The following KIFBP variants were observed in gnomAD, a reference collection of about 807,000 sequenced individuals.
KIFBP encodes the protein kinesin family binding protein, also known as KIF-binding protein.
In KIFBP, 46 loss-of-function variants were observed where a neutral mutation model predicts 58.9. The ratio of observed to expected loss-of-function variants is 0.78; its 90% CI spans 0.62 to 1.00. KIFBP has a LOEUF of 1.00. KIFBP is among the 50% of genes least tolerant of loss of function. The pLI is 0.00. For synonymous variants in KIFBP, 241 were observed against 283.4 expected (o/e 0.85, Z 1.50); for missense variants, 651 against 752.9 (o/e 0.86, Z 1.58).
intron 6 of KIFBP, chr10:69,011,388 T>G (rs1393218896): frequency 1.0e-5 from 1 of 98,366 alleles, no homozygotes; most frequent in Non-Finnish European, 2.0e-5. Context: ...GGGAACGATA[T>G]CATATTCTTT....
chr10:68,997,847 A>G (rs1243219287), intron 1 of KIFBP, among the ~76,000 whole-genome samples: 2 of 152,178 alleles, frequency 1.3e-5, no homozygotes, highest in Non-Finnish European at 2.9e-5. Context: ...ACCTAGTACC[A>G]GAAACTGGTT....
chr10:69,008,909 C>T lies in KIFBP; in HGVS notation c.858C>T (p.Ile286=), dbSNP rs757772205. The change falls in exon 5 of 7, where the codon ATC becomes ATT. Residue 286 remains isoleucine, a synonymous_variant. Coordinates refer to ENST00000361983, the MANE Select transcript of KIFBP (RefSeq NM_015634.4). ...ANVIFGQTGK[I]SATEDTPEAE... ...TCATTTTTGGTCAAACTGGAAAGATCTCAGCCACAGAAGACAGTAAGTTTA... is the reference window on the plus strand; with the variant it reads ...TCATTTTTGGTCAAACTGGAAAGATTTCAGCCACAGAAGACAGTAAGTTTA... 16 of 1,612,842 alleles carry T rather than the reference C, an allele frequency of 9.9e-6. No homozygotes were observed. The highest frequency in any genetic ancestry group is 1.3e-5 in the Non-Finnish European group (15 of 1,179,000).
intron 1 of KIFBP, among the ~76,000 whole-genome samples, chr10:68,994,615 T>G (rs1194588789): frequency 6.6e-6 from 1 of 152,134 alleles, no homozygotes; most frequent in African/African-American, 2.4e-5. Flanking sequence ...CCTAGGAAAT[T>G]AGTAGATTGC....
chr10:69,015,415 C>A (rs913800737), intron 6 of KIFBP, 126 bp from the exon 7 acceptor site: 3 of 824,092 alleles, frequency 3.6e-6, no homozygotes, highest in Non-Finnish European at 5.7e-6. Flanking sequence ...GATTATGATA[C>A]CCTTCTAAAC....
Position 69,010,901 on chromosome 10 carries a change from T to C in KIFBP, c.876T>C (p.Thr292=). Residue 292 remains threonine, a splice_region_variant and synonymous_variant, in exon 6 of 7, where the codon ACT becomes ACC. Coordinates refer to ENST00000361983, the MANE Select transcript of KIFBP (RefSeq NM_015634.4). Reference sequence around the variant, plus strand: ...AAACAAATCACATGTATATTTTAGCTCCTGAAGCTGAAGGAGAAGTGCCAG... The same window carrying C: ...AAACAAATCACATGTATATTTTAGCCCCTGAAGCTGAAGGAGAAGTGCCAG... The part of the protein sequence containing the change: ...QTGKISATED[T]PEAEGEVPEL... 3.7e-6 allele frequency: 6 copies of C among 1,604,862 alleles called. No homozygotes were observed. The highest frequency in any genetic ancestry group is 5.1e-6 in the Non-Finnish European group (6 of 1,171,640).
chr10:69,006,844 T>G (rs775745784), intron 4 of KIFBP: 1 of 152,188 alleles, frequency 6.6e-6, no homozygotes, highest in Non-Finnish European at 1.5e-5. Flanking sequence ...TCCCACAGAA[T>G]TTCATTCAGA....
intron 6 of KIFBP, chr10:69,015,290 G>C (rs1301277940): frequency 2.3e-6 from 1 of 431,274 alleles, no homozygotes; most frequent in Non-Finnish European, 4.1e-6. Context: ...ATAAATTTCA[G>C]TTCCTCAGAA....
At chr10:69,011,275 T>G (rs1843586723) in intron 6 of KIFBP, 1 of 343,418 alleles carries the variant, frequency 2.9e-6, no homozygotes, top group South Asian at 3.1e-5. Flanking sequence ...TCTAAATAAA[T>G]AAATAAATAA....
At chr10:69,008,391 A>ATATATATATATATATAT (rs1554843385) in intron 4 of KIFBP, among the ~76,000 whole-genome samples, 3 of 71,588 alleles carry the variant, frequency 4.2e-5, no homozygotes, top group African/African-American at 7.8e-5. Context: ...AAAAAAAAAA[A>ATATATATATATATATAT]ATATATATAT....
At chr10:68,989,337 C>T in intron 1 of KIFBP, 79 bp downstream of exon 1, 2 of 1,506,174 alleles carry the variant, frequency 1.3e-6, no homozygotes, top group Non-Finnish European at 1.8e-6. Flanking sequence ...AGGCCAAGGG[C>T]AGACGTTGTA....
At chr10:68,992,140 C>A (rs1352741847) in intron 1 of KIFBP, among the ~76,000 whole-genome samples, 1 of 152,000 alleles carries the variant, frequency 6.6e-6, no homozygotes, top group Admixed American at 6.6e-5. Context: ...ACCACAGGTG[C>A]CTGCCACCAT....
intron 1 of KIFBP, 188 bp downstream of exon 1, chr10:68,989,446 A>G: frequency 1.5e-6 from 1 of 646,732 alleles, no homozygotes; most frequent in Non-Finnish European, 2.7e-6. Flanking sequence ...ATTGCCTTGT[A>G]ACTAGATCTC....
intron 1 of KIFBP, among the ~76,000 whole-genome samples, chr10:68,998,403 GT>G (rs34514567): frequency 3.0e-4 from 44 of 145,916 alleles, no homozygotes; most frequent in Middle Eastern, 3.5e-3. Context: ...TAATAGAAAG[GT>G]TTTTTTTTTT....
chr10:69,013,227 G>C (rs995125545), intron 6 of KIFBP, among the ~76,000 whole-genome samples: 1 of 152,136 alleles, frequency 6.6e-6, no homozygotes, highest in Non-Finnish European at 1.5e-5. Flanking sequence ...AACCATATCA[G>C]TGGTAAATAA....
At chr10:69,009,055 A>G (rs1564637749) in intron 5 of KIFBP, 130 bp downstream of exon 5, 1 of 700,144 alleles carries the variant, frequency 1.4e-6, no homozygotes, top group Non-Finnish European at 2.5e-6. Context: ...AATTTTTAGT[A>G]TTTTCCTCGC....
intron 4 of KIFBP, chr10:69,007,732 A>G (rs137983625): frequency 6.6e-6 from 1 of 152,366 alleles, no homozygotes; most frequent in African/African-American, 2.4e-5. Context: ...AGTTATAGCC[A>G]ACCATTTAAA....
chr10:69,003,376 C>T (rs1843493047), intron 2 of KIFBP, among the ~76,000 whole-genome samples: 1 of 152,086 alleles, frequency 6.6e-6, no homozygotes, highest in Non-Finnish European at 1.5e-5. Context: ...GTTGTTTTTA[C>T]TTTATGTGAA....
Position 68,988,973 on chromosome 10 carries a change from G to A in KIFBP, c.141G>A (p.Lys47=). ...YSARALLEEV[K]ALLGPAPEDE... ...CCCGGGCGCTACTGGAAGAGGTCAA[G>A]GCGCTGCTCGGCCCTGCGCCTGAGG... The change falls in exon 1 of 7, where the codon AAG becomes AAA. Residue 47 remains lysine, a synonymous_variant. Transcript: ENST00000361983. 6.2e-7 allele frequency: 1 copy of A among 1,614,248 alleles called. No homozygotes were observed. The highest frequency in any genetic ancestry group is 2.2e-5 in the East Asian group (1 of 44,878).
chr10:68,997,554 G>A (rs1843419186), intron 1 of KIFBP, among the ~76,000 whole-genome samples: 1 of 152,072 alleles, frequency 6.6e-6, no homozygotes, highest in African/African-American at 2.4e-5. Flanking sequence ...TGTACAGCCT[G>A]TGGAACTGTG....
Sources: gnomAD v4.1 joint callset for allele counts (sites outside exome capture counted in the v4.1 genomes callset) on GRCh38, gnomAD v4.1.1 for gene constraint, MANE v1.5 for transcripts, NCBI Gene and HGNC (gene_info 2026-07-23, HGNC 2026-07-21) for gene names.